HMGN2: variants seen among roughly 807,000 people sequenced by gnomAD.
HMGN2 encodes high mobility group nucleosomal binding domain 2.
In HMGN2, 2 loss-of-function variants were observed where a neutral mutation model predicts 16.9. The observed-to-expected ratio is 0.12, with a 90% CI of 0.05 to 0.37. The LOEUF (loss-of-function observed/expected upper bound fraction) is 0.37. Among genes scored for constraint, HMGN2 ranks in the 10% least tolerant of loss-of-function variants. The pLI is 1.00. For missense variants in HMGN2, 90 were observed against 106.0 expected (o/e 0.85, Z 0.66); for synonymous variants, 31 against 34.9 (o/e 0.89, Z 0.39).
chr1:26,472,892 C>CGCCCCCGCCCCGT (rs1313055074), intron 1 of HMGN2, among the ~76,000 whole-genome samples: 2 of 151,970 alleles, frequency 1.3e-5, no homozygotes, highest in East Asian at 1.9e-4. Flanking sequence ...TCGGGCTCGC[C>CGCCCCCGCCCCGT]GCCCCCGCCC....
chr1:26,474,294 G>T (rs554640140), intron 4 of HMGN2, among the ~76,000 whole-genome samples, 159 bp downstream of exon 4: 1 of 152,290 alleles, frequency 6.6e-6, no homozygotes, highest in East Asian at 1.9e-4. Flanking sequence ...TCCTGATCAA[G>T]AATTCTGTTG....
chr1:26,474,267 C>T (rs1286891099), intron 4 of HMGN2, 132 bp downstream of exon 4: 2 of 670,556 alleles, frequency 3.0e-6, no homozygotes, highest in Admixed American at 3.0e-5. Context: ...TCGTCCGTGT[C>T]ATTCATAACG....
intron 4 of HMGN2, among the ~76,000 whole-genome samples, 164 bp downstream of exon 4, chr1:26,474,299 CTGT>C (rs2075594145): frequency 1.3e-5 from 2 of 152,272 alleles, no homozygotes; most frequent in East Asian, 1.9e-4. Context: ...ATCAAGAATT[CTGT>C]TGTTAGTTTA....
rs2075603816 is a variant in HMGN2, at chr1:26,475,740, A to G, written c.*592A>G. 6.1e-6 allele frequency: 2 copies of G among 329,954 alleles called. No individual in the cohort carries two copies. The highest frequency in any genetic ancestry group is 1.2e-5 in the Non-Finnish European group (2 of 168,410). 20.4% of individuals were successfully genotyped at this position (329,954 alleles called of 1,614,324 possible). On this transcript the variant is annotated 3_prime_UTR_variant, in exon 6 of 6. Coordinates refer to ENST00000361427, the MANE Select transcript of HMGN2 (RefSeq NM_005517.4). ...GTCGGCTTGTGAAAAGTTGTTAAACAACATGCTAAATGTGAAATGTCAACC... is the reference window on the plus strand; with the variant it reads ...GTCGGCTTGTGAAAAGTTGTTAAACGACATGCTAAATGTGAAATGTCAACC...
At chr1:26,473,243 G>T (rs1005617244) in intron 1 of HMGN2, 15 of 539,482 alleles carry the variant, frequency 2.8e-5, no homozygotes, top group Non-Finnish European at 3.9e-5. Context: ...TGCCTGTCGC[G>T]GTGGTGCGGG....
chr1:26,475,763 A>G lies in HMGN2; in HGVS notation c.*615A>G. 1 of 339,902 alleles carries G rather than the reference A, an allele frequency of 2.9e-6. No individual in the cohort carries two copies. The highest frequency in any genetic ancestry group is 5.8e-6 in the Non-Finnish European group (1 of 173,528). The allele number at this position is 339,902 out of a possible 1,614,324, so 21.1% of individuals were successfully genotyped here. ...ACAACATGCTAAATGTGAAATGTCA[A>G]CCCTCACTCTAAACTTTCCCTGTTC... On this transcript the variant is annotated 3_prime_UTR_variant, in exon 6 of 6. Transcript: ENST00000361427.
intron 4 of HMGN2, 126 bp downstream of exon 4, chr1:26,474,261 C>T (rs2075593895): frequency 1.5e-6 from 1 of 681,490 alleles, no homozygotes; most frequent in Non-Finnish European, 2.5e-6. Context: ...CTTACCTCGT[C>T]CGTGTCATTC....
chr1:26,473,897 C>A, intron 3 of HMGN2, 165 bp downstream of exon 3: 3 of 803,748 alleles, frequency 3.7e-6, no homozygotes, highest in Non-Finnish European at 4.0e-6. Context: ...AATTCTGATG[C>A]CTGTAGCCAA....
Position 26,472,467 on chromosome 1 carries a change from T to A in HMGN2, c.-146T>A. On this transcript the variant is annotated 5_prime_UTR_variant, in exon 1 of 6. Coordinates refer to ENST00000361427, the MANE Select transcript of HMGN2 (RefSeq NM_005517.4). ...AATCCGGTTCTAACCGGTCCGGGGC[T>A]CCCAGCGCTATAAAAACTTTATAAA... 1 of 974,156 alleles carries A rather than the reference T, an allele frequency of 1.0e-6. No individual in the cohort carries two copies. The highest frequency in any genetic ancestry group is 1.5e-6 in the Non-Finnish European group (1 of 649,234). The allele number at this position is 974,156 out of a possible 1,614,324, so 60.3% of individuals were successfully genotyped here. A position where few individuals can be genotyped will look rare whatever the true frequency, so the allele number is the denominator to read the frequency against.
chr1:26,473,488 A>C lies in HMGN2; in HGVS notation c.21A>C (p.Glu7Asp), dbSNP rs746966405. The C allele has an allele frequency of 2.5e-6, 4 of 1,612,444 alleles. No homozygotes were observed. Among genetic ancestry groups the C allele is most frequent in the East Asian group, 2.2e-5 (1 of 44,860 alleles). The change falls in exon 2 of 6, where the codon GAA (glutamate) becomes GAC (aspartate). Residue 7 changes from glutamate (E) to aspartate (D), a missense_variant. By Grantham distance (45) the Glu-to-Asp change is conservative. Coordinates refer to ENST00000361427, the MANE Select transcript of HMGN2 (RefSeq NM_005517.4). Reference sequence around the variant, plus strand: ...TTTGTTCTTGTTTCTTATAGGCTGAAGGGGATGCTAAGGGAGATAAAGCAA... The same window carrying C: ...TTTGTTCTTGTTTCTTATAGGCTGACGGGGATGCTAAGGGAGATAAAGCAA... MPKRKA[E>D]GDAKGDKAKV...
Position 26,473,361 on chromosome 1 carries a change from A to C in HMGN2, c.16-122A>C, listed in dbSNP as rs564748851. On this transcript the variant is annotated intron_variant, in intron 1 of 5. Transcript: ENST00000361427. The stretch of plus-strand genomic sequence containing the variant: ...TCTTATACGAACGTCGGGCTCACTC[A>C]TTTATGTCCTAGAAAAGTTGTGTGG... The C allele has an allele frequency of 4.3e-5, 31 of 717,622 alleles. No individual in the cohort carries two copies. The African/African-American group carries it at 5.0e-4, about 12-fold the overall frequency. The allele number at this position is 717,622 out of a possible 1,614,324, so 44.5% of individuals were successfully genotyped here. A position where few individuals can be genotyped will look rare whatever the true frequency, so the allele number is the denominator to read the frequency against.
chr1:26,474,687 C>G lies in HMGN2; in HGVS notation c.237+20C>G, dbSNP rs776769901. Reference sequence around the variant, plus strand: ...GACCAGGTATAACTGCTGTTTCACCCTTTGTTAGATTTGTTCATTCAGTTA... The same window carrying G: ...GACCAGGTATAACTGCTGTTTCACCGTTTGTTAGATTTGTTCATTCAGTTA... On this transcript the variant is annotated intron_variant, in intron 5 of 5. Transcript: ENST00000361427. 3 of 1,180,512 alleles carry G rather than the reference C, an allele frequency of 2.5e-6. No individual in the cohort carries two copies. The highest frequency in any genetic ancestry group is 2.3e-5 in the East Asian group (1 of 42,780). The allele number at this position is 1,180,512 out of a possible 1,614,324, so 73.1% of individuals were successfully genotyped here.
Position 26,475,320 on chromosome 1 carries a change from A to G in HMGN2, c.*172A>G. 1 of 513,960 alleles carries G rather than the reference A, an allele frequency of 1.9e-6. No homozygotes were observed. Among genetic ancestry groups the G allele is most frequent in the Non-Finnish European group, 3.5e-6 (1 of 288,206 alleles). 31.8% of individuals were successfully genotyped at this position (513,960 alleles called of 1,614,324 possible). A position where few individuals can be genotyped will look rare whatever the true frequency, so the allele number is the denominator to read the frequency against. On this transcript the variant is annotated 3_prime_UTR_variant, in exon 6 of 6. Coordinates refer to ENST00000361427, the MANE Select transcript of HMGN2 (RefSeq NM_005517.4). ...TTGTTGTTTTTGGGGGAAGGGGCAT[A>G]TGTCACTAATAGAATGTCTCCAAAG...
At chr1:26,473,622 C>T (rs995735991) in intron 2 of HMGN2, 81 bp from the exon 3 acceptor site, 45 of 1,557,514 alleles carry the variant, frequency 2.9e-5, no homozygotes, top group Admixed American at 1.7e-5. Context: ...ATTTACACTC[C>T]TATAATCTAG....
intron 3 of HMGN2, 152 bp from the exon 4 acceptor site, chr1:26,473,933 G>A (rs1364418551): frequency 1.0e-5 from 8 of 798,940 alleles, no homozygotes; most frequent in Non-Finnish European, 1.6e-5. Context: ...TGGGCTTCTG[G>A]AAATCCAACA....
In HMGN2 at chr1:26,475,952, T is replaced by A. The variant is rs1232970693; in HGVS notation, c.*804T>A. 3.4e-6 allele frequency: 1 copy of A among 293,956 alleles called. No homozygotes were observed. Among genetic ancestry groups the A allele is most frequent in the Non-Finnish European group, 6.7e-6 (1 of 150,100 alleles). The allele number at this position is 293,956 out of a possible 1,614,324, so 18.2% of individuals were successfully genotyped here. A position where few individuals can be genotyped will look rare whatever the true frequency, so the allele number is the denominator to read the frequency against. On this transcript the variant is annotated 3_prime_UTR_variant, in exon 6 of 6. Transcript: ENST00000361427. ...TTATGGAAAGTATCTTTAATAAAGCTGGATACAGTTTGGCTTGGAATGCTG... is the reference window on the plus strand; with the variant it reads ...TTATGGAAAGTATCTTTAATAAAGCAGGATACAGTTTGGCTTGGAATGCTG...
chr1:26,473,791 C>T (rs1260669338), intron 3 of HMGN2, 59 bp downstream of exon 3: 1 of 1,509,882 alleles, frequency 6.6e-7, no homozygotes, highest in Non-Finnish European at 9.2e-7. Context: ...CATCAAAAAA[C>T]AATTCCCTTT....
In HMGN2 at chr1:26,475,149, AGT is replaced by A. The variant is rs1301111355; in HGVS notation, c.*7_*8del. 1.2e-6 allele frequency: 2 copies of A among 1,601,744 alleles called. No individual in the cohort carries two copies. Among genetic ancestry groups the A allele is most frequent in the African/African-American group, 2.7e-5 (2 of 74,818 alleles). On this transcript the variant is annotated 3_prime_UTR_variant, in exon 6 of 6. Transcript: ENST00000361427. Reference sequence around the variant, plus strand: ...TGAAGGTGCTGGAGATGCCAAGTGAAGTGTGTGCATTTTTGATAACTGTGTAC... The same window carrying A: ...TGAAGGTGCTGGAGATGCCAAGTGAAGTGTGCATTTTTGATAACTGTGTAC...
At position 26,473,485 on chromosome 1, in the gene HMGN2, T is replaced by C; in HGVS notation, c.18T>C (p.Ala6=). 1 of 1,612,016 alleles carries C rather than the reference T, an allele frequency of 6.2e-7. No individual in the cohort carries two copies. The highest frequency in any genetic ancestry group is 8.5e-7 in the Non-Finnish European group (1 of 1,178,040). ...TTTTTTGTTCTTGTTTCTTATAGGCTGAAGGGGATGCTAAGGGAGATAAAG... is the reference window on the plus strand; with the variant it reads ...TTTTTTGTTCTTGTTTCTTATAGGCCGAAGGGGATGCTAAGGGAGATAAAG... MPKRK[A]EGDAKGDKAK... The change falls in exon 2 of 6, where the codon GCT becomes GCC. Residue 6 remains alanine, a splice_region_variant and synonymous_variant. Transcript: ENST00000361427.
Sources: gnomAD v4.1 joint callset for allele counts (sites outside exome capture counted in the v4.1 genomes callset) on GRCh38, gnomAD v4.1.1 for gene constraint, MANE v1.5 for transcripts, NCBI Gene and HGNC (gene_info 2026-07-23, HGNC 2026-07-21) for gene names.